The following SYT16 variants were observed in gnomAD, a reference collection of about 807,000 sequenced individuals.
SYT16 encodes synaptotagmin 16, also known as synaptotagmin-16.
A neutral mutation model predicts 61.4 loss-of-function variants in SYT16; 42 were observed. The ratio of observed to expected loss-of-function variants is 0.68; its 90% CI spans 0.53 to 0.89. SYT16 has a LOEUF of 0.89. Among genes scored for constraint, SYT16 ranks in the 40% least tolerant of loss-of-function variants. SYT16 has a pLI of 0.00. For synonymous variants in SYT16, 314 were observed against 302.3 expected (o/e 1.04, Z -0.40); for missense variants, 804 against 807.3 (o/e 1.00, Z 0.05).
intron 1 of SYT16, among the ~76,000 whole-genome samples, chr14:61,903,906 T>G (rs141698306): frequency 6.6e-6 from 1 of 152,372 alleles, no homozygotes; most frequent in Non-Finnish European, 1.5e-5. Context: ...TTTTCTTGCC[T>G]GTAGATCAGC....
chr14:61,906,758 C>T (rs1348180875), intron 1 of SYT16, among the ~76,000 whole-genome samples: 20 of 148,916 alleles, frequency 1.3e-4, no homozygotes, highest in Admixed American at 1.3e-4. Flanking sequence ...TCCTTCCGTC[C>T]GTCCGTCAAT....
chr14:61,902,137 G>A (rs1442886511), intron 1 of SYT16, among the ~76,000 whole-genome samples: 2 of 152,120 alleles, frequency 1.3e-5, no homozygotes, highest in African/African-American at 4.8e-5. Context: ...TGTTCCAGTT[G>A]TATCTTCCAC....
chr14:61,954,935 T>C (rs1014988477), intron 1 of SYT16, among the ~76,000 whole-genome samples: 17 of 152,296 alleles, frequency 1.1e-4, no homozygotes, highest in African/African-American at 3.4e-4. Flanking sequence ...AAGGAAATTA[T>C]GATTTTAAAA....
At chr14:62,081,429 C>T (rs368137431) in intron 6 of SYT16, among the ~76,000 whole-genome samples, 155 bp downstream of exon 6, 25 of 152,334 alleles carry the variant, frequency 1.6e-4, no homozygotes, top group African/African-American at 4.1e-4. Context: ...ATTTGCACTT[C>T]ATGGTACAAT....
intron 3 of SYT16, among the ~76,000 whole-genome samples, chr14:61,998,380 T>C (rs1400747885): frequency 6.6e-6 from 1 of 151,980 alleles, no homozygotes; most frequent in African/African-American, 2.4e-5. Flanking sequence ...CCCAGACCTG[T>C]GTGGATACAT....
intron 3 of SYT16, among the ~76,000 whole-genome samples, chr14:62,017,167 G>A (rs187741402): frequency 6.6e-6 from 1 of 152,262 alleles, no homozygotes; most frequent in African/African-American, 2.4e-5. Flanking sequence ...ATCAAATACT[G>A]GTTTTATTAA....
At chr14:61,875,449 G>C (rs931458065) in intron 1 of SYT16, among the ~76,000 whole-genome samples, 1 of 152,202 alleles carries the variant, frequency 6.6e-6, no homozygotes, top group Admixed American at 6.5e-5. Flanking sequence ...GAAGGGTAAC[G>C]AAAACTTCAA....
At chr14:61,913,704 T>TGTGTGTGTGTG (rs149203556) in intron 1 of SYT16, among the ~76,000 whole-genome samples, 3 of 145,758 alleles carry the variant, frequency 2.1e-5, no homozygotes, top group Admixed American at 6.8e-5. Context: ...CTTTGGGTCT[T>TGTGTGTGTGTG]TGTGTGTGTG....
intron 1 of SYT16, among the ~76,000 whole-genome samples, chr14:61,838,586 T>A (rs932348890): frequency 6.6e-6 from 1 of 152,246 alleles, no homozygotes; most frequent in African/African-American, 2.4e-5. Context: ...CCTTTCCTGT[T>A]CTGGAGAATA....
At chr14:62,050,101 AG>A in intron 3 of SYT16, among the ~76,000 whole-genome samples, 1 of 152,332 alleles carries the variant, frequency 6.6e-6, no homozygotes, top group South Asian at 2.1e-4. Flanking sequence ...CGTCACTTTC[AG>A]GTACACCAGT....
intron 3 of SYT16, among the ~76,000 whole-genome samples, chr14:61,998,989 G>C (rs1237311794): frequency 6.6e-6 from 1 of 151,926 alleles, no homozygotes; most frequent in African/African-American, 2.4e-5. Context: ...GCATAGCTTG[G>C]ATAAAATCCA....
chr14:61,834,379 C>T (rs1334487976), intron 1 of SYT16, among the ~76,000 whole-genome samples: 2 of 148,862 alleles, frequency 1.3e-5, no homozygotes, highest in Non-Finnish European at 3.0e-5. Context: ...ATCTGCCTGC[C>T]TTGGCCTCTC....
intron 1 of SYT16, among the ~76,000 whole-genome samples, chr14:61,967,837 G>T (rs941285816): frequency 6.6e-6 from 1 of 152,128 alleles, no homozygotes; most frequent in Admixed American, 6.5e-5. Context: ...ACTTATAAAT[G>T]AAATGACTTA....
At chr14:61,864,972 G>A (rs1448492586) in intron 1 of SYT16, 16 of 1,369,460 alleles carry the variant, frequency 1.2e-5, no homozygotes, top group African/African-American at 2.9e-5. Flanking sequence ...ATTGCTGCGA[G>A]TCTGGGCCCC....
intron 3 of SYT16, among the ~76,000 whole-genome samples, chr14:62,051,917 A>T (rs1188986764): frequency 1.3e-5 from 2 of 152,164 alleles, no homozygotes; most frequent in Admixed American, 1.3e-4. Context: ...CTGTAGTCTC[A>T]GTTCCTTGGG....
At chr14:62,040,335 T>G (rs529365919) in intron 3 of SYT16, among the ~76,000 whole-genome samples, 1 of 152,266 alleles carries the variant, frequency 6.6e-6, no homozygotes, top group African/African-American at 2.4e-5. Flanking sequence ...TGCTAGAGGG[T>G]CAAAGTTAAC....
At chr14:61,817,018 C>A (rs879915732) in intron 1 of SYT16, among the ~76,000 whole-genome samples, 16,409 of 141,802 alleles carry the variant, frequency 0.12, 1,329 homozygotes, top group African/African-American at 0.17. Context: ...CACACACACA[C>A]ACACACACAC....
At chr14:62,050,777 C>A (rs1332220782) in intron 3 of SYT16, among the ~76,000 whole-genome samples, 1 of 152,076 alleles carries the variant, frequency 6.6e-6, no homozygotes, top group Admixed American at 6.6e-5. Flanking sequence ...GTGGTGGCTG[C>A]AGAACAGCAG....
At chr14:61,993,878 C>G (rs1018725948) in intron 2 of SYT16, among the ~76,000 whole-genome samples, 2 of 152,132 alleles carry the variant, frequency 1.3e-5, no homozygotes, top group African/African-American at 2.4e-5. Flanking sequence ...TGAGAATTCA[C>G]TATGTGCTCA....
Sources: gnomAD v4.1 joint callset for allele counts (sites outside exome capture counted in the v4.1 genomes callset) on GRCh38, gnomAD v4.1.1 for gene constraint, MANE v1.5 for transcripts, NCBI Gene and HGNC (gene_info 2026-07-23, HGNC 2026-07-21) for gene names.